The following DPH6 variants were observed in gnomAD, a reference collection of about 807,000 sequenced individuals.
The protein encoded by DPH6 is diphthine--ammonia ligase.
A neutral mutation model predicts 38.2 loss-of-function variants in DPH6; 33 were observed. The ratio of observed to expected loss-of-function variants is 0.86; its 90% CI spans 0.65 to 1.15. DPH6 has a LOEUF of 1.15. Among genes scored for constraint, DPH6 ranks in the 50% most tolerant of loss-of-function variants. DPH6 has a pLI of 0.00. For missense variants in DPH6, 325 were observed against 320.0 expected (o/e 1.02, Z -0.12); for synonymous variants, 108 against 103.0 (o/e 1.05, Z -0.30).
chr15:35,258,454 A>G (rs1214602593), intron 3 of DPH6, among the ~76,000 whole-genome samples: 1 of 152,194 alleles, frequency 6.6e-6, no homozygotes, highest in Non-Finnish European at 1.5e-5. Context: ...AAATCATACA[A>G]TTTTAGAGTT....
chr15:35,179,219 A>AG, the DPH6 span, among the ~76,000 whole-genome samples: 4 of 151,194 alleles, frequency 2.6e-5, no homozygotes, highest in East Asian at 1.9e-4. Context: ...AAAAAAAAAA[A>AG]AAAAAAAAGA....
chr15:35,328,708 A>G (rs2052304450), downstream of DPH6, among the ~76,000 whole-genome samples: 2 of 152,240 alleles, frequency 1.3e-5, no homozygotes, highest in Non-Finnish European at 2.9e-5. Flanking sequence ...TGTTCCAAAT[A>G]GGTAGGAAAA....
intron 3 of DPH6, among the ~76,000 whole-genome samples, chr15:35,222,692 AAAC>A (rs1252577278): frequency 6.6e-6 from 1 of 152,168 alleles, no homozygotes; most frequent in Non-Finnish European, 1.5e-5. Context: ...ATTTTTACAT[AAAC>A]AATAGGGAAG....
At chr15:35,249,352 C>T (rs1205407408) in intron 3 of DPH6, among the ~76,000 whole-genome samples, 3 of 152,130 alleles carry the variant, frequency 2.0e-5, no homozygotes, top group Non-Finnish European at 4.4e-5. Context: ...GAAAAAGCTA[C>T]ATATTTAAAT....
At position 35,362,410 on chromosome 15, in the gene DPH6, C is replaced by A. The variant is rs537812416; in HGVS notation, n.207+11111G>T. Among the ~76,000 whole-genome samples, 10 of 152,250 alleles carry A rather than the reference C, an allele frequency of 6.6e-5. No individual in the cohort carries two copies. The East Asian group carries it at 1.9e-3, about 29-fold the overall frequency. On this transcript the variant is annotated intron_variant and non_coding_transcript_variant, in intron 3 of 3. Coordinates refer to the DPH6 transcript ENST00000558973. ...GACACTTGGGTAGCCATCTGAAAAT[C>A]TGGAATACTGGACACATGTTCTGCC...
chr15:35,186,511 C>T, the DPH6 span, among the ~76,000 whole-genome samples: 1 of 152,154 alleles, frequency 6.6e-6, no homozygotes, highest in Non-Finnish European at 1.5e-5. Flanking sequence ...TAAACACGTT[C>T]ACTGATACTC....
chr15:35,408,583 G>A (rs1246359934), intron 6 of DPH6, among the ~76,000 whole-genome samples: 1 of 151,992 alleles, frequency 6.6e-6, no homozygotes. Context: ...CCTAGAGAAA[G>A]TTTCTAGACG....
chr15:35,342,702 T>G (rs1338191624), intron 3 of DPH6, among the ~76,000 whole-genome samples: 1 of 152,170 alleles, frequency 6.6e-6, no homozygotes, highest in Non-Finnish European at 1.5e-5. Context: ...GTTTTCATAA[T>G]AAGAAGATTA....
chr15:35,169,753 G>A, the DPH6 span: 1 of 152,070 alleles, frequency 6.6e-6, no homozygotes. Flanking sequence ...CTGTTATTAT[G>A]TTGTTCAGCC....
At chr15:35,244,067 A>G (rs1230473647) in intron 3 of DPH6, among the ~76,000 whole-genome samples, 1 of 152,240 alleles carries the variant, frequency 6.6e-6, no homozygotes, top group Non-Finnish European at 1.5e-5. Context: ...GCTCTGAAGA[A>G]TAAACATTTT....
intron 3 of DPH6, chr15:35,365,851 G>C (rs1231333603): frequency 2.0e-6 from 2 of 985,090 alleles, no homozygotes; most frequent in East Asian, 1.1e-4. Context: ...CAGTGACCCA[G>C]CAGTACCTAC....
chr15:35,157,154 ATCT>A, the DPH6 span, among the ~76,000 whole-genome samples: 1 of 152,142 alleles, frequency 6.6e-6, no homozygotes, highest in Non-Finnish European at 1.5e-5. Context: ...GATTCCGATC[ATCT>A]TCTTTTACAA....
intron 6 of DPH6, among the ~76,000 whole-genome samples, chr15:35,391,919 G>T (rs1040027647): frequency 6.6e-6 from 1 of 152,148 alleles, no homozygotes; most frequent in African/African-American, 2.4e-5. Context: ...GAAATCACCC[G>T]TCTTCTGCGT....
At chr15:35,203,731 C>T in the DPH6 span, among the ~76,000 whole-genome samples, 12 of 151,646 alleles carry the variant, frequency 7.9e-5, no homozygotes, top group Non-Finnish European at 1.6e-4. Flanking sequence ...TGATTTCATA[C>T]TGATATTTTT....
At chr15:35,321,894 C>A (rs1595477898) in intron 3 of DPH6, among the ~76,000 whole-genome samples, 1 of 152,136 alleles carries the variant, frequency 6.6e-6, no homozygotes, top group East Asian at 1.9e-4. Context: ...ACCTCGCCCA[C>A]ACAGGAGAAC....
intron 3 of DPH6, among the ~76,000 whole-genome samples, chr15:35,463,646 T>C (rs1285161010): frequency 6.6e-6 from 1 of 152,134 alleles, no homozygotes; most frequent in Admixed American, 6.5e-5. Context: ...GGACCAGAAA[T>C]AGACCAAAGT....
At chr15:35,282,087 TTC>T (rs1222910317) in intron 3 of DPH6, among the ~76,000 whole-genome samples, 1 of 152,188 alleles carries the variant, frequency 6.6e-6, no homozygotes, top group Non-Finnish European at 1.5e-5. Flanking sequence ...AACTCTTCCA[TTC>T]TCTTTTTATA....
intron 3 of DPH6, among the ~76,000 whole-genome samples, chr15:35,537,365 G>C (rs1253236043): frequency 6.6e-6 from 1 of 152,018 alleles, no homozygotes; most frequent in Non-Finnish European, 1.5e-5. Flanking sequence ...AGAAATACTG[G>C]CTTGAATTCC....
At chr15:35,329,165 T>C (rs910574889), downstream of DPH6, among the ~76,000 whole-genome samples, 1 of 152,200 alleles carries the variant, frequency 6.6e-6, no homozygotes, top group African/African-American at 2.4e-5. Context: ...CTCATGGTGA[T>C]TGAGGTACAC....
Sources: gnomAD v4.1 joint callset for allele counts (sites outside exome capture counted in the v4.1 genomes callset) on GRCh38, gnomAD v4.1.1 for gene constraint, MANE v1.5 for transcripts, NCBI Gene and HGNC (gene_info 2026-07-23, HGNC 2026-07-21) for gene names.